HMBOX1: variants seen among roughly 807,000 people sequenced by gnomAD.
HMBOX1 encodes the protein homeobox-containing protein 1.
In HMBOX1, 14 loss-of-function variants were observed where a neutral mutation model predicts 54.5. That is an observed-to-expected ratio of 0.26 (90% CI 0.17 to 0.40). The LOEUF is 0.40. HMBOX1 is among the 10% of genes least tolerant of loss of function. The pLI is 1.00. For synonymous variants in HMBOX1, 160 were observed against 181.0 expected (o/e 0.88, Z 0.93); for missense variants, 332 against 514.4 (o/e 0.65, Z 3.43).
intron 1 of HMBOX1, among the ~76,000 whole-genome samples, chr8:28,945,332 A>G (rs1206664091): frequency 6.6e-6 from 1 of 152,240 alleles, no homozygotes; most frequent in Non-Finnish European, 1.5e-5. Flanking sequence ...CAAACTGCTA[A>G]CAAGTGGTAG....
At chr8:29,010,220 A>G (rs193012732) in intron 5 of HMBOX1, 78 of 794,320 alleles carry the variant, frequency 9.8e-5, no homozygotes, top group Admixed American at 1.2e-4. Context: ...AAAATTCAAA[A>G]GACTAACACA....
At chr8:28,927,831 CAAAAAA>C (rs34952149) in intron 1 of HMBOX1, among the ~76,000 whole-genome samples, 1 of 52,750 alleles carries the variant, frequency 1.9e-5, no homozygotes, top group South Asian at 9.7e-4. Flanking sequence ...AACTCAGTCT[CAAAAAA>C]AAAAAAAAAA....
rs576136353 is a variant in HMBOX1 at position 29,024,966 on chromosome 8, ACCC to A, written c.851+6057_851+6059del. On this transcript the variant is annotated intron_variant, in intron 6 of 9. Coordinates refer to ENST00000287701, the MANE Select transcript of HMBOX1 (RefSeq NM_001135726.3). ...TTTTCATCCCTAAACCACCCTCCCT[ACCC>A]CCCACCCCGTCGGTGGAAAAATTGT... is the stretch of plus-strand genomic sequence containing the variant. Among the ~76,000 whole-genome samples the A allele has an allele frequency of 4.0e-3, 600 of 150,006 alleles. 2 individuals are homozygous for A. Among genetic ancestry groups the A allele is most frequent in the African/African-American group, 0.013 (548 of 40,712 alleles).
At chr8:28,947,342 A>G (rs780482022) in intron 1 of HMBOX1, among the ~76,000 whole-genome samples, 2 of 152,214 alleles carry the variant, frequency 1.3e-5, no homozygotes, top group African/African-American at 2.4e-5. Flanking sequence ...GTGAACCACT[A>G]TCTGACTGCC....
At chr8:28,924,015 C>T (rs980160299) in intron 1 of HMBOX1, among the ~76,000 whole-genome samples, 4 of 151,296 alleles carry the variant, frequency 2.6e-5, no homozygotes, top group South Asian at 2.1e-4. Context: ...TGGATAATCT[C>T]GTCTCAGATA....
chr8:29,018,843 T>A lies in HMBOX1; in HGVS notation c.781T>A (p.Ser261Thr), dbSNP rs1266726912. 5 of 1,614,032 alleles carry A rather than the reference T, an allele frequency of 3.1e-6. No individual in the cohort carries two copies. The highest frequency in any genetic ancestry group is 1.7e-5 in the Admixed American group (1 of 60,006). The change falls in exon 6 of 10, where the codon TCT becomes ACT. Residue 261 changes from serine to threonine, a missense_variant. By Grantham distance (58) the Ser-to-Thr change is moderately conservative (BLOSUM62 1). Coordinates refer to ENST00000287701, the MANE Select transcript of HMBOX1 (RefSeq NM_001135726.3). ...RQTPPPVSAT[S>T]GTFRLRRGSR... ...AACGCCTCCCCCAGTCTCTGCCACATCTGGTACTTTCCGACTGCGACGAGG... is the reference window on the plus strand; with the variant it reads ...AACGCCTCCCCCAGTCTCTGCCACAACTGGTACTTTCCGACTGCGACGAGG...
chr8:28,988,364 C>T (rs1830459360), intron 4 of HMBOX1, among the ~76,000 whole-genome samples: 1 of 152,200 alleles, frequency 6.6e-6, no homozygotes, highest in Admixed American at 6.5e-5. Context: ...CAGGGCCTGA[C>T]TATTTTGAAC....
At chr8:28,944,151 C>G (rs993933555) in intron 1 of HMBOX1, among the ~76,000 whole-genome samples, 8 of 152,184 alleles carry the variant, frequency 5.3e-5, no homozygotes, top group African/African-American at 1.4e-4. Flanking sequence ...TGTCTGTCTT[C>G]TGAAATCTTT....
chr8:29,040,816 T>C (rs1804699664), intron 6 of HMBOX1, among the ~76,000 whole-genome samples: 1 of 152,150 alleles, frequency 6.6e-6, no homozygotes, highest in African/African-American at 2.4e-5. Flanking sequence ...TTTTATATGG[T>C]TAGATCCTAA....
chr8:28,913,603 C>G (rs1164404620), intron 1 of HMBOX1, among the ~76,000 whole-genome samples: 1 of 152,174 alleles, frequency 6.6e-6, no homozygotes, highest in East Asian at 1.9e-4. Flanking sequence ...AATTATTTGT[C>G]TGTTTTCCCA....
chr8:28,916,806 T>C (rs1228336474), intron 1 of HMBOX1, among the ~76,000 whole-genome samples: 1 of 152,076 alleles, frequency 6.6e-6, no homozygotes, highest in Admixed American at 6.6e-5. Flanking sequence ...GGCCTTTCCA[T>C]ACAGATATTA....
At chr8:29,050,942 T>C (rs1368273521) in intron 9 of HMBOX1, 76 bp from the exon 10 acceptor site, 10 of 1,479,172 alleles carry the variant, frequency 6.8e-6, no homozygotes, top group Non-Finnish European at 9.2e-7. Flanking sequence ...CTGCCTCCCC[T>C]TGCCCCAGCA....
At chr8:28,946,779 A>T (rs2132078671) in intron 1 of HMBOX1, among the ~76,000 whole-genome samples, 1 of 152,324 alleles carries the variant, frequency 6.6e-6, no homozygotes, top group East Asian at 1.9e-4. Flanking sequence ...GTTACATATA[A>T]ATCCATAGTA....
intron 6 of HMBOX1, among the ~76,000 whole-genome samples, chr8:29,028,172 G>A (rs539154082): frequency 6.6e-6 from 1 of 152,194 alleles, no homozygotes; most frequent in Admixed American, 6.5e-5. Context: ...CCAAATTTAA[G>A]CATCTAAAAA....
At chr8:28,916,516 T>G (rs1816578643) in intron 1 of HMBOX1, among the ~76,000 whole-genome samples, 1 of 152,210 alleles carries the variant, frequency 6.6e-6, no homozygotes, top group African/African-American at 2.4e-5. Flanking sequence ...AGGTTTTATG[T>G]TTTTGGATAT....
In HMBOX1 at chr8:28,970,255, T is replaced by A; in HGVS notation, c.236T>A (p.Val79Asp). The change falls in exon 3 of 10, where the codon GTC becomes GAC. Residue 79 changes from valine (V) to aspartate (D), a missense_variant. By Grantham distance (152) the Val-to-Asp change is radical (BLOSUM62 -3). Around this residue, in one of 4 missense-constraint regions of HMBOX1, gnomAD observed 146 missense variants for 173.3 expected, o/e 0.84. Coordinates refer to ENST00000287701, the MANE Select transcript of HMBOX1 (RefSeq NM_001135726.3). This position sits in a 1 kb window ranked among gnomAD's most constrained non-coding sequence, Gnocchi z 4.3. ...GSSYGNSTNN[V>D]PASSSTATAS... is the part of the protein sequence containing the mutation. ...TCATATGGGAATAGTACTAACAATG[T>A]CCCAGCATCTTCCTCTACAGCTACA... 1 of 1,614,166 alleles carries A rather than the reference T, an allele frequency of 6.2e-7. No individual in the cohort carries two copies. The highest frequency in any genetic ancestry group is 8.5e-7 in the Non-Finnish European group (1 of 1,180,008).
chr8:29,003,106 C>G (rs1374818786), intron 4 of HMBOX1, among the ~76,000 whole-genome samples: 1 of 147,042 alleles, frequency 6.8e-6, no homozygotes, highest in Non-Finnish European at 1.5e-5. Context: ...CATTTTTTAT[C>G]TAAGTAGGAG....
intron 6 of HMBOX1, among the ~76,000 whole-genome samples, chr8:29,031,169 CT>C (rs1359351943): frequency 1.3e-5 from 2 of 152,142 alleles, no homozygotes; most frequent in Non-Finnish European, 2.9e-5. Flanking sequence ...ATTGAGCGAA[CT>C]AGCTGAGGAT....
chr8:28,946,810 C>T (rs1049939083), intron 1 of HMBOX1, among the ~76,000 whole-genome samples: 3 of 152,010 alleles, frequency 2.0e-5, no homozygotes, highest in Non-Finnish European at 4.4e-5. Context: ...TTTGTGAGAC[C>T]TCGTTATATT....
Sources: gnomAD v4.1 joint callset for allele counts (sites outside exome capture counted in the v4.1 genomes callset) on GRCh38, gnomAD v4.1.1 for gene constraint, gnomAD v4.1.1 regional missense constraint, Gnocchi (gnomAD v3.1) non-coding constraint, MANE v1.5 for transcripts, NCBI Gene and HGNC (gene_info 2026-07-23, HGNC 2026-07-21) for gene names.